Variants in VPS13B observed in about 807,000 individuals in gnomAD.
VPS13B encodes vacuolar protein sorting 13 homolog B.
VPS13B carries 285 observed loss-of-function variants against 426.4 expected under a neutral mutation model. The ratio of observed to expected loss-of-function variants is 0.67; its 90% CI spans 0.61 to 0.74. The LOEUF (loss-of-function observed/expected upper bound fraction) is 0.74, where lower values mean the gene tolerates loss of function less well. Among genes scored for constraint, VPS13B ranks in the 30% least tolerant of loss-of-function variants. The pLI is 0.00. For synonymous variants in VPS13B, 1,676 were observed against 1,676.4 expected (o/e 1.00, Z 0.01); for missense variants, 4,537 against 4,782.6 (o/e 0.95, Z 1.51).
At chr8:99,743,302 A>C (rs960074489) in intron 39 of VPS13B, among the ~76,000 whole-genome samples, 4 of 151,936 alleles carry the variant, frequency 2.6e-5, no homozygotes, top group East Asian at 1.9e-4. Context: ...ACTACAAACC[A>C]CTGCTCAATG....
At chr8:99,726,244 A>T (rs1459968760) in intron 39 of VPS13B, among the ~76,000 whole-genome samples, 3 of 152,258 alleles carry the variant, frequency 2.0e-5, no homozygotes, top group Non-Finnish European at 4.4e-5. Context: ...TGGTCAGCTT[A>T]TAATTTTATC....
intron 51 of VPS13B, among the ~76,000 whole-genome samples, chr8:99,824,551 GGAGA>G (rs980055686): frequency 1.8e-4 from 28 of 151,504 alleles, no homozygotes; most frequent in Admixed American, 1.2e-3. Context: ...TTTTAAGAGA[GGAGA>G]GATTTTTTTT....
At chr8:99,679,284 A>G (rs867997685) in intron 35 of VPS13B, among the ~76,000 whole-genome samples, 4 of 152,234 alleles carry the variant, frequency 2.6e-5, no homozygotes, top group African/African-American at 4.8e-5. Context: ...TAAAACAAAC[A>G]AAGGATGACA....
At chr8:99,468,383 A>G (rs938127895) in intron 24 of VPS13B, among the ~76,000 whole-genome samples, 81 of 152,106 alleles carry the variant, frequency 5.3e-4, no homozygotes, top group Non-Finnish European at 9.3e-4. Flanking sequence ...AAACTGTAAA[A>G]TTACAAGATA....
At chr8:99,136,849 C>A in intron 12 of VPS13B, 97 bp downstream of exon 12, 1 of 1,164,440 alleles carries the variant, frequency 8.6e-7, no homozygotes, top group Non-Finnish European at 1.3e-6. Context: ...TACTCTGCTA[C>A]ATAAGATTTA....
At chr8:99,650,089 T>G (rs1829747156) in intron 34 of VPS13B, among the ~76,000 whole-genome samples, 1 of 152,156 alleles carries the variant, frequency 6.6e-6, no homozygotes, top group African/African-American at 2.4e-5. Flanking sequence ...TCCTGCCATT[T>G]AAAAATAATA....
intron 23 of VPS13B, among the ~76,000 whole-genome samples, chr8:99,458,098 T>C (rs1159398264): frequency 7.9e-6 from 1 of 127,190 alleles, no homozygotes; most frequent in Non-Finnish European, 1.6e-5. Context: ...CCCCGGTGTG[T>C]GATGTTCCCC....
At chr8:99,113,695 G>T (rs574230971) in intron 6 of VPS13B, among the ~76,000 whole-genome samples, 201 of 152,248 alleles carry the variant, frequency 1.3e-3, no homozygotes, top group African/African-American at 4.6e-3. Flanking sequence ...TTCCCGAGTA[G>T]CTGGGATTAC....
intron 17 of VPS13B, among the ~76,000 whole-genome samples, chr8:99,257,442 A>G (rs1417084843): frequency 6.6e-6 from 1 of 152,172 alleles, no homozygotes; most frequent in Non-Finnish European, 1.5e-5. Flanking sequence ...TGTGGCATAC[A>G]GTGAGTTAAA....
chr8:99,190,586 AG>A (rs1453636442), intron 16 of VPS13B, among the ~76,000 whole-genome samples: 1 of 151,286 alleles, frequency 6.6e-6, no homozygotes, highest in East Asian at 1.9e-4. Context: ...TTTACCTTTT[AG>A]TTTTATGGCT....
At chr8:99,492,393 T>C (rs1240571342) in intron 25 of VPS13B, among the ~76,000 whole-genome samples, 1 of 152,182 alleles carries the variant, frequency 6.6e-6, no homozygotes, top group Non-Finnish European at 1.5e-5. Flanking sequence ...ACCACCACTC[T>C]CTTTAGAGCT....
chr8:99,630,408 A>G (rs1388504783), intron 33 of VPS13B, among the ~76,000 whole-genome samples: 1 of 151,952 alleles, frequency 6.6e-6, no homozygotes, highest in African/African-American at 2.4e-5. Flanking sequence ...AACAAGTCCA[A>G]ATCCTGGCTT....
At chr8:99,848,494 A>G (rs181624719) in intron 54 of VPS13B, among the ~76,000 whole-genome samples, 2 of 152,280 alleles carry the variant, frequency 1.3e-5, no homozygotes, top group African/African-American at 4.8e-5. Context: ...ACACAGAGTT[A>G]CTTGCCAGTT....
chr8:99,745,552 G>A (rs926525990), intron 39 of VPS13B, among the ~76,000 whole-genome samples: 1 of 151,982 alleles, frequency 6.6e-6, no homozygotes, highest in South Asian at 2.1e-4. Flanking sequence ...CTTTATCATA[G>A]GTATGCATGT....
intron 13 of VPS13B, among the ~76,000 whole-genome samples, chr8:99,145,215 A>G (rs955216175): frequency 1.3e-5 from 2 of 152,212 alleles, no homozygotes; most frequent in African/African-American, 4.8e-5. Flanking sequence ...AGTTTTGAAT[A>G]GGAAGTTATT....
At chr8:99,381,211 C>T (rs927157791) in intron 19 of VPS13B, among the ~76,000 whole-genome samples, 9 of 152,166 alleles carry the variant, frequency 5.9e-5, no homozygotes, top group African/African-American at 2.2e-4. Flanking sequence ...CAGCTTTATC[C>T]ATGTTCCTGC....
rs779759468 is a variant in VPS13B at position 99,096,430 on chromosome 8, C to A, written c.410C>A (p.Pro137Gln). 1 of 1,613,906 alleles carries A rather than the reference C, an allele frequency of 6.2e-7. No homozygotes were observed. Among genetic ancestry groups the A allele is most frequent in the Non-Finnish European group, 8.5e-7 (1 of 1,179,922 alleles). The change falls in exon 4 of 62, where the codon CCA becomes CAA. Residue 137 changes from proline (P) to glutamine (Q), a missense_variant and splice_region_variant. Coordinates refer to ENST00000357162, the MANE Select transcript of VPS13B (RefSeq NM_152564.5). ...GCTCCTACAGATCCTGACTTACCAC[C>A]AGGTAACTTCTAATGGGATCAATAA... is the stretch of plus-strand genomic sequence containing the variant. The part of the protein sequence containing the change: ...QAAPTDPDLP[P>Q]GYVQSLIRRV...
At chr8:99,647,739 C>T (rs547325381) in intron 34 of VPS13B, among the ~76,000 whole-genome samples, 1 of 152,096 alleles carries the variant, frequency 6.6e-6, no homozygotes, top group Non-Finnish European at 1.5e-5. Context: ...GGGACCTACA[C>T]AGATAACGCT....
intron 2 of VPS13B, among the ~76,000 whole-genome samples, chr8:99,028,422 C>A (rs62532622): frequency 7.5e-6 from 1 of 134,006 alleles, no homozygotes; most frequent in South Asian, 2.5e-4. Context: ...CCGGACGGGG[C>A]GGCTGGCGGG....
Sources: gnomAD v4.1 joint callset for allele counts (sites outside exome capture counted in the v4.1 genomes callset) on GRCh38, gnomAD v4.1.1 for gene constraint, MANE v1.5 for transcripts, NCBI Gene and HGNC (gene_info 2026-07-23, HGNC 2026-07-21) for gene names.